The following PIGN variants were observed in gnomAD, a reference collection of about 807,000 sequenced individuals.
The protein encoded by PIGN is phosphatidylinositol glycan anchor biosynthesis class N, also known as GPI ethanolamine phosphate transferase 1.
Under a neutral mutation model 125.4 loss-of-function variants are expected in PIGN, and 117 were observed. The observed-to-expected ratio is 0.93, with a 90% CI of 0.80 to 1.09. The LOEUF (loss-of-function observed/expected upper bound fraction) is 1.09. Among genes scored for constraint, PIGN ranks in the 50% least tolerant of loss-of-function variants. The pLI is 0.00. For missense variants in PIGN, 1,075 were observed against 1,094.9 expected, an observed-to-expected ratio of 0.98 and a Z score of 0.26; for synonymous variants, 392 against 377.8, an observed-to-expected ratio of 1.04 and a Z score of -0.44.
At chr18:62,099,701 C>T (rs1385401525) in intron 22 of PIGN, among the ~76,000 whole-genome samples, 2 of 152,026 alleles carry the variant, frequency 1.3e-5, no homozygotes, top group African/African-American at 4.8e-5. Flanking sequence ...GCACCAAGAA[C>T]ATACATTGAG....
chr18:62,082,690 A>C lies in PIGN; in HGVS notation c.2559T>G (p.Thr853=). Residue 853 remains threonine (T), a synonymous_variant, in exon 28 of 31, where the codon ACT becomes ACG. Coordinates refer to ENST00000640252, the MANE Select transcript of PIGN (RefSeq NM_176787.5). ...CATCTTACCTTTTTGACGATAACTG[A>C]GTAGTCAACTGAACTGCTTCAAAAG... ...MCAFEAVQLT[T]QLSSKSLFLI... 4 of 1,543,696 alleles carry C rather than the reference A, an allele frequency of 2.6e-6. No homozygotes were observed. The highest frequency in any genetic ancestry group is 3.5e-6 in the Non-Finnish European group (4 of 1,136,036).
intron 3 of PIGN, among the ~76,000 whole-genome samples, chr18:62,161,766 T>C (rs2036960890): frequency 6.6e-6 from 1 of 152,168 alleles, no homozygotes. Context: ...AAAGAAAATA[T>C]AAGTCGTGCA....
Position 62,105,545 on chromosome 18 carries a change from TAG to T in PIGN, c.1855_1856del (p.Leu619SerfsTer25). ...PVVGRKPDIS[L>X]VMGAGLLVLL... is the part of the protein sequence containing the mutation. Reference sequence around the variant, plus strand: ...ATAAAATACAATATTATTCATACACTAGAGAGATGTCTGGCTTTCGACCTACA... The same window carrying T: ...ATAAAATACAATATTATTCATACACTAGAGATGTCTGGCTTTCGACCTACA... On this transcript the variant is annotated frameshift_variant, in exon 20 of 31. Transcript: ENST00000640252. LOFTEE classifies it high-confidence loss of function. 1 of 1,506,382 alleles carries T rather than the reference TAG, an allele frequency of 6.6e-7. No individual in the cohort carries two copies. Among genetic ancestry groups the T allele is most frequent in the Non-Finnish European group, 9.0e-7 (1 of 1,105,526 alleles). The allele number at this position is 1,506,382 out of a possible 1,614,324, so 93.3% of individuals were successfully genotyped here.
chr18:62,038,779 AT>A (rs2030295992), downstream of PIGN, among the ~76,000 whole-genome samples: 1 of 152,086 alleles, frequency 6.6e-6, no homozygotes, highest in Non-Finnish European at 1.5e-5. Context: ...AAAACAAAAT[AT>A]TTAAAAATTA....
At chr18:62,160,081 C>A (rs2036890935) in intron 4 of PIGN, among the ~76,000 whole-genome samples, 1 of 152,028 alleles carries the variant, frequency 6.6e-6, no homozygotes, top group African/African-American at 2.4e-5. Flanking sequence ...CCACTGCACT[C>A]CAGCCTGGGT....
At chr18:62,141,773 G>T (rs2036144702) in intron 11 of PIGN, among the ~76,000 whole-genome samples, 1 of 152,158 alleles carries the variant, frequency 6.6e-6, no homozygotes, top group Non-Finnish European at 1.5e-5. Context: ...TCAGAATTAA[G>T]TTCACAAGGC....
At chr18:62,105,301 C>T (rs1170046043) in intron 20 of PIGN, 10 of 280,296 alleles carry the variant, frequency 3.6e-5, no homozygotes, top group East Asian at 6.5e-5. Flanking sequence ...AAAAAATGGG[C>T]GGGATTTTAA....
chr18:62,028,291 A>G (rs534496023), intron 23 of PIGN, among the ~76,000 whole-genome samples: 17 of 152,366 alleles, frequency 1.1e-4, no homozygotes, highest in African/African-American at 2.9e-4. Flanking sequence ...AGAGCAATTC[A>G]GCTGACTTTA....
chr18:62,099,736 G>A (rs4281822), intron 22 of PIGN, among the ~76,000 whole-genome samples: 3,388 of 151,938 alleles, frequency 0.022, 105 homozygotes, highest in African/African-American at 0.058. Flanking sequence ...TCCAATAAAC[G>A]GTGCTAGGAA....
rs149119800 is a variant in PIGN at position 62,155,392 on chromosome 18, C to T, written c.443-741G>A. Among the ~76,000 whole-genome samples the T allele has an allele frequency of 6.4e-3, 975 of 152,058 alleles. 13 individuals are homozygous for T. The highest frequency in any genetic ancestry group is 0.022 in the African/African-American group (922 of 41,450). On this transcript the variant is annotated intron_variant, in intron 6 of 30. Coordinates refer to ENST00000640252, the MANE Select transcript of PIGN (RefSeq NM_176787.5). Reference sequence around the variant, plus strand: ...GACCCCCCTGGCCAACATGATGAAACCCCGTCTCTACTAAAAAGAGAAAAA... The same window carrying T: ...GACCCCCCTGGCCAACATGATGAAATCCCGTCTCTACTAAAAAGAGAAAAA...
At chr18:62,085,123 T>A (rs1011916064) in intron 26 of PIGN, 86 bp downstream of exon 26, 17 of 768,310 alleles carry the variant, frequency 2.2e-5, no homozygotes, top group Non-Finnish European at 3.2e-5. Context: ...GAAAAAAAAA[T>A]AATAAGGTAC....
chr18:62,087,923 G>A (rs1048103600), intron 25 of PIGN, among the ~76,000 whole-genome samples: 6 of 152,140 alleles, frequency 3.9e-5, no homozygotes, highest in African/African-American at 1.4e-4. Context: ...AGATGAATAA[G>A]GTCTGGAGAT....
At chr18:62,046,160 C>T (rs2030662086) in intron 30 of PIGN, among the ~76,000 whole-genome samples, 181 bp from the exon 31 acceptor site, 1 of 152,170 alleles carries the variant, frequency 6.6e-6, no homozygotes, top group African/African-American at 2.4e-5. Context: ...GTTCCAGGAC[C>T]TTCAAGTACA....
intron 1 of PIGN, among the ~76,000 whole-genome samples, chr18:62,172,440 T>C (rs1437264543): frequency 6.6e-6 from 1 of 152,150 alleles, no homozygotes; most frequent in African/African-American, 2.4e-5. Context: ...GATGTTCACT[T>C]TGATTTAAAC....
chr18:62,044,027 G>T lies in PIGN; in HGVS notation c.*1829C>A, dbSNP rs2030485713. 6.6e-6 allele frequency: 1 copy of T among 152,194 alleles called. No homozygotes were observed. Among genetic ancestry groups the T allele is most frequent in the South Asian group, 2.1e-4 (1 of 4,834 alleles). The allele number at this position is 152,194 out of a possible 1,614,324, so 9.4% of individuals were successfully genotyped here. On this transcript the variant is annotated 3_prime_UTR_variant, in exon 31 of 31. Transcript: ENST00000640252. ...ACAGAAAAGGCTTGTTCCCATGTGAGTCTGAAGGGGCCAGTTACGGTGCAG... is the reference window on the plus strand; with the variant it reads ...ACAGAAAAGGCTTGTTCCCATGTGATTCTGAAGGGGCCAGTTACGGTGCAG...
intron 29 of PIGN, among the ~76,000 whole-genome samples, chr18:62,074,440 G>C (rs1435569042): frequency 1.3e-5 from 2 of 152,194 alleles, no homozygotes; most frequent in Admixed American, 1.3e-4. Context: ...TAATCTGAGA[G>C]AAGGGTTAAA....
At chr18:62,062,548 G>A (rs541700020) in intron 30 of PIGN, among the ~76,000 whole-genome samples, 11 of 151,796 alleles carry the variant, frequency 7.2e-5, no homozygotes, top group African/African-American at 2.4e-4. Context: ...GTATAGATGG[G>A]GGTGTAATGA....
chr18:62,150,554 G>C (rs902565445), intron 7 of PIGN, among the ~76,000 whole-genome samples: 1 of 152,136 alleles, frequency 6.6e-6, no homozygotes, highest in Non-Finnish European at 1.5e-5. Flanking sequence ...ATTATACTAA[G>C]TGAAATAAGC....
chr18:62,137,331 TG>T (rs956573428), intron 14 of PIGN: 30 of 401,400 alleles, frequency 7.5e-5, no homozygotes, highest in Middle Eastern at 6.4e-4. Context: ...TTTGAGGTTT[TG>T]GGACTCAGAC....
Sources: allele counts gnomAD v4.1 joint callset (sites outside exome capture counted in the v4.1 genomes callset), GRCh38; gene constraint gnomAD v4.1.1; transcripts MANE v1.5; gene names NCBI Gene and HGNC (gene_info 2026-07-23, HGNC 2026-07-21).